Variants in KALRN observed in about 807,000 individuals in gnomAD.
KALRN encodes kalirin.
In KALRN, 70 loss-of-function variants were observed where a neutral mutation model predicts 353.7. The observed-to-expected ratio is 0.20, with a 90% confidence interval of 0.16 to 0.24. The LOEUF is 0.24. Among genes scored for constraint, KALRN ranks in the 10% least tolerant of loss-of-function variants. The pLI is 1.00. For missense variants in KALRN, 2,791 were observed against 3,756.7 expected (o/e 0.74, Z 6.72); for synonymous variants, 1,391 against 1,434.8 (o/e 0.97, Z 0.69).
At chr3:124,098,780 C>T (rs2061630466) in intron 1 of KALRN, among the ~76,000 whole-genome samples, 1 of 152,154 alleles carries the variant, frequency 6.6e-6, no homozygotes, top group Non-Finnish European at 1.5e-5. Flanking sequence ...TTGCAGTCCA[C>T]TAATTTCTTT....
chr3:124,617,169 A>G (rs2149628346), intron 34 of KALRN, among the ~76,000 whole-genome samples: 1 of 152,020 alleles, frequency 6.6e-6, no homozygotes, highest in Non-Finnish European at 1.5e-5. Context: ...CTGTCTCTAC[A>G]AAAAATTTAA....
intron 17 of KALRN, among the ~76,000 whole-genome samples, chr3:124,437,395 A>G (rs374754536): frequency 6.6e-6 from 1 of 152,210 alleles, no homozygotes; most frequent in African/African-American, 2.4e-5. Flanking sequence ...CTATCCAAAG[A>G]CATCTTTCAT....
chr3:124,051,375 C>G (rs547382088), intron 1 of KALRN, among the ~76,000 whole-genome samples: 2 of 152,152 alleles, frequency 1.3e-5, no homozygotes, highest in Admixed American at 6.5e-5. Context: ...TTTCTCCTTA[C>G]TTTGCTAGGA....
At chr3:124,312,062 T>C (rs1018373596) in intron 6 of KALRN, among the ~76,000 whole-genome samples, 3 of 152,228 alleles carry the variant, frequency 2.0e-5, no homozygotes, top group African/African-American at 7.2e-5. Flanking sequence ...ATGAAAATGT[T>C]CTAAAATTGA....
At chr3:124,325,570 C>A (rs1010099409) in intron 6 of KALRN, among the ~76,000 whole-genome samples, 18 of 152,118 alleles carry the variant, frequency 1.2e-4, no homozygotes, top group African/African-American at 4.3e-4. Flanking sequence ...GTACAGCTCT[C>A]CCCTGAGCAA....
chr3:124,646,391 C>CTTTTTGTTTTTTTTTTTTTTTTTTTTTT, intron 37 of KALRN, among the ~76,000 whole-genome samples: 1 of 110,492 alleles, frequency 9.1e-6, no homozygotes, highest in Non-Finnish European at 1.8e-5. Flanking sequence ...CTTTTGTTTA[C>CTTTTTGTTTTTTTTTTTTTTTTTTTTTT]TTTTTTTTTT....
intron 10 of KALRN, among the ~76,000 whole-genome samples, chr3:124,374,896 A>G (rs2149828153): frequency 6.6e-6 from 1 of 152,282 alleles, no homozygotes; most frequent in Admixed American, 6.5e-5. Context: ...TTCCATGGGG[A>G]TGCTGTCTCA....
intron 5 of KALRN, among the ~76,000 whole-genome samples, chr3:124,284,313 T>C (rs2075630517): frequency 6.6e-6 from 1 of 152,240 alleles, no homozygotes; most frequent in African/African-American, 2.4e-5. Flanking sequence ...GGTATCTCCC[T>C]ATCTCCTACT....
intron 10 of KALRN, among the ~76,000 whole-genome samples, chr3:124,383,790 C>A (rs543318505): frequency 6.6e-6 from 1 of 152,122 alleles, no homozygotes; most frequent in South Asian, 2.1e-4. Flanking sequence ...TCAAGTGAGC[C>A]CAAAACACTC....
chr3:124,396,937 T>C (rs1367569949), intron 12 of KALRN, among the ~76,000 whole-genome samples: 4 of 152,194 alleles, frequency 2.6e-5, no homozygotes, highest in Non-Finnish European at 5.9e-5. Context: ...AAGAAGTAAA[T>C]GGTGCTTAGT....
chr3:124,365,616 C>G (rs955468674), intron 10 of KALRN, among the ~76,000 whole-genome samples: 3 of 152,224 alleles, frequency 2.0e-5, no homozygotes, highest in African/African-American at 7.2e-5. Context: ...GATGATTCTT[C>G]TAGATCTGAG....
chr3:124,575,218 A>G (rs1386249664), intron 34 of KALRN, among the ~76,000 whole-genome samples: 4 of 152,172 alleles, frequency 2.6e-5, no homozygotes, highest in Non-Finnish European at 1.5e-5. Context: ...TGATTCTCAG[A>G]TTGTGCCCAC....
chr3:124,286,082 CCTTT>C (rs55864207), intron 5 of KALRN, among the ~76,000 whole-genome samples: 2,790 of 102,192 alleles, frequency 0.027, 46 homozygotes, highest in Middle Eastern at 0.055. Flanking sequence ...TTCTTTCCTT[CCTTT>C]CTTTCTTTCT....
intron 1 of KALRN, among the ~76,000 whole-genome samples, chr3:124,134,481 C>T (rs112605596): frequency 0.11 from 16,533 of 152,054 alleles, 1,179 homozygotes; most frequent in Middle Eastern, 0.2. Flanking sequence ...ATTTCATAGC[C>T]GAAAACCCAA....
intron 10 of KALRN, among the ~76,000 whole-genome samples, chr3:124,377,892 G>T (rs1315914954): frequency 6.6e-6 from 1 of 151,974 alleles, no homozygotes; most frequent in Admixed American, 6.6e-5. Context: ...GTGTTATCAT[G>T]CTGTATCTTT....
chr3:124,694,268 CA>C, intron 52 of KALRN, 63 bp from the exon 53 acceptor site: 1 of 1,520,662 alleles, frequency 6.6e-7, no homozygotes, highest in Admixed American at 1.7e-5. Context: ...TGTGTTAAAA[CA>C]AAATGGCCAT....
At chr3:124,714,075 A>C (rs1166997671) in intron 58 of KALRN, among the ~76,000 whole-genome samples, 2 of 78,372 alleles carry the variant, frequency 2.6e-5, no homozygotes, top group African/African-American at 1.9e-4. Flanking sequence ...ATCAGCTGGA[A>C]AAAAAAAAAA....
chr3:124,351,787 G>A (rs180683840), intron 10 of KALRN, among the ~76,000 whole-genome samples: 36 of 152,318 alleles, frequency 2.4e-4, no homozygotes, highest in African/African-American at 8.7e-4. Context: ...TAACTTTTGT[G>A]TTTAATAGCT....
intron 1 of KALRN, among the ~76,000 whole-genome samples, chr3:124,074,429 A>C (rs533554620): frequency 6.6e-6 from 1 of 152,250 alleles, no homozygotes; most frequent in Non-Finnish European, 1.5e-5. Context: ...TAGTCTAGTC[A>C]GAAGCATTTT....
Sources: gnomAD v4.1 joint callset for allele counts (sites outside exome capture counted in the v4.1 genomes callset) on GRCh38, gnomAD v4.1.1 for gene constraint, MANE v1.5 for transcripts, NCBI Gene and HGNC (gene_info 2026-07-23, HGNC 2026-07-21) for gene names.